The following CNIH1 variants were observed in gnomAD, a reference collection of about 807,000 sequenced individuals.
CNIH1 encodes the protein protein cornichon homolog 1.
A neutral mutation model predicts 20.2 loss-of-function variants in CNIH1; 12 were observed. The ratio of observed to expected loss-of-function variants is 0.59; its 90% CI spans 0.38 to 0.96. CNIH1 has a LOEUF of 0.96. CNIH1 is among the 40% of genes least tolerant of loss of function. The pLI is 0.00. For missense variants in CNIH1, 152 were observed against 178.8 expected (o/e 0.85, Z 0.85); for synonymous variants, 69 against 63.3 (o/e 1.09, Z -0.43).
At position 54,423,621 on chromosome 14, in the gene CNIH1, G is replaced by T. The variant is rs1387932191; in HGVS notation, c.*4193C>A. ...AAATAAGCTCTAAGGAGTAAGGTAGGGCTACTTAAGGGCGTTTTCTGTGGA... is the reference window on the plus strand; with the variant it reads ...AAATAAGCTCTAAGGAGTAAGGTAGTGCTACTTAAGGGCGTTTTCTGTGGA... On this transcript the variant is annotated 3_prime_UTR_variant, in exon 5 of 5. Transcript: ENST00000216416. 1 of 152,114 alleles carries T rather than the reference G, an allele frequency of 6.6e-6. No individual in the cohort carries two copies. The highest frequency in any genetic ancestry group is 1.5e-5 in the Non-Finnish European group (1 of 68,022). 9.4% of individuals were successfully genotyped at this position (152,114 alleles called of 1,614,324 possible). A position where few individuals can be genotyped will look rare whatever the true frequency, so the allele number is the denominator to read the frequency against.
rs2030838091 is a variant in CNIH1, at chr14:54,426,931, G to C, written c.*883C>G. On this transcript the variant is annotated 3_prime_UTR_variant, in exon 5 of 5. Transcript: ENST00000216416. ...ATCTCAAACAATGCACTGAAAGTGA[G>C]TCTTAATTTCAGAGTTTTATTGTAT... The C allele has an allele frequency of 6.6e-6, 1 of 152,148 alleles. No homozygotes were observed. Among genetic ancestry groups the C allele is most frequent in the Non-Finnish European group, 1.5e-5 (1 of 67,992 alleles). 9.4% of individuals were successfully genotyped at this position (152,148 alleles called of 1,614,324 possible).
chr14:54,427,996 C>A lies in CNIH1; in HGVS notation c.408-155G>T, dbSNP rs533928658. Among the ~76,000 whole-genome samples the A allele has an allele frequency of 4.8e-4, 73 of 152,234 alleles. 2 individuals are homozygous for A. In the South Asian group the frequency reaches 0.013, roughly 27 times the overall value. On this transcript the variant is annotated intron_variant, in intron 4 of 4. Coordinates refer to ENST00000216416, the MANE Select transcript of CNIH1 (RefSeq NM_005776.3). ...AGTGATTTTAATTTGCATTTATGGA[C>A]TTTTGCCTAACATATGACTTGGCTC...
Position 54,427,766 on chromosome 14 carries a change from G to A in CNIH1, c.*48C>T, listed in dbSNP as rs375313617. 4.6e-5 allele frequency: 73 copies of A among 1,601,260 alleles called. No homozygotes were observed. Among genetic ancestry groups the A allele is most frequent in the Non-Finnish European group, 5.8e-5 (68 of 1,169,590 alleles). ...TTGCTGGATAGAATCCCTTCATTTG[G>A]TGGCTTTTTGCATGCACTTAACTGG... is the stretch of plus-strand genomic sequence containing the variant. On this transcript the variant is annotated 3_prime_UTR_variant, in exon 5 of 5. Coordinates refer to ENST00000216416, the MANE Select transcript of CNIH1 (RefSeq NM_005776.3).
intron 1 of CNIH1, among the ~76,000 whole-genome samples, chr14:54,440,825 C>G (rs568385736): frequency 4.4e-4 from 67 of 152,370 alleles, no homozygotes; most frequent in African/African-American, 1.5e-3. Context: ...TGTGGAAACC[C>G]TAAAAGAAAG....
In CNIH1 at chr14:54,440,187, T is replaced by C. The variant is rs574504531; in HGVS notation, c.81+1060A>G. Among the ~76,000 whole-genome samples the C allele has an allele frequency of 3.3e-5, 5 of 152,352 alleles. No individual in the cohort carries two copies. In the South Asian group the frequency reaches 8.3e-4, roughly 25 times the overall value. ...TCATTCTGCCCCTCCGTATGTTTCA[T>C]AGAAATCCTTGTTACTGGCATGATG... On this transcript the variant is annotated intron_variant, in intron 1 of 4. Transcript: ENST00000216416.
chr14:54,441,121 G>C, intron 1 of CNIH1, 126 bp downstream of exon 1: 4 of 977,740 alleles, frequency 4.1e-6, no homozygotes, highest in East Asian at 9.7e-5. Context: ...CGCGCGGCCC[G>C]TGCCAGCCGG....
intron 3 of CNIH1, among the ~76,000 whole-genome samples, chr14:54,431,027 G>T (rs1044657754): frequency 6.6e-6 from 1 of 151,816 alleles, no homozygotes; most frequent in East Asian, 1.9e-4. Context: ...GTTTTGCCAC[G>T]TTGCCCAGTC....
chr14:54,438,813 G>C (rs1383503659), intron 1 of CNIH1, among the ~76,000 whole-genome samples: 1 of 152,208 alleles, frequency 6.6e-6, no homozygotes, highest in Admixed American at 6.5e-5. Flanking sequence ...GGAGGTGTTT[G>C]GGTCATGGGA....
At chr14:54,438,038 G>A (rs2031090588) in intron 1 of CNIH1, among the ~76,000 whole-genome samples, 1 of 150,812 alleles carries the variant, frequency 6.6e-6, no homozygotes, top group Non-Finnish European at 1.5e-5. Context: ...GGAGTGCAGT[G>A]GCACAATCTC....
intron 3 of CNIH1, among the ~76,000 whole-genome samples, chr14:54,430,692 TC>T (rs1242472410): frequency 2.0e-5 from 3 of 152,362 alleles, no homozygotes; most frequent in African/African-American, 7.2e-5. Context: ...TTTTTACTTA[TC>T]TTGGCATAAT....
chr14:54,434,874 A>T (rs556170669), intron 2 of CNIH1, among the ~76,000 whole-genome samples: 1 of 152,372 alleles, frequency 6.6e-6, no homozygotes, highest in East Asian at 1.9e-4. Context: ...GCAAAGAAAC[A>T]GCTAATAAGT....
chr14:54,438,098 G>C (rs112413033), intron 1 of CNIH1, among the ~76,000 whole-genome samples: 1 of 151,806 alleles, frequency 6.6e-6, no homozygotes, highest in Non-Finnish European at 1.5e-5. Flanking sequence ...TCCTGCCTCA[G>C]CCTCCGGAGT....
chr14:54,427,933 A>T, intron 4 of CNIH1, 92 bp from the exon 5 acceptor site: 1 of 1,168,180 alleles, frequency 8.6e-7, no homozygotes, highest in East Asian at 2.4e-5. Context: ...ATAGCAAACT[A>T]GTATCACAGA....
Position 54,424,480 on chromosome 14 carries a change from A to C in CNIH1, c.*3334T>G, listed in dbSNP as rs2030787444. 6.6e-6 allele frequency: 1 copy of C among 152,212 alleles called. No individual in the cohort carries two copies. Among genetic ancestry groups the C allele is most frequent in the Non-Finnish European group, 1.5e-5 (1 of 68,048 alleles). The allele number at this position is 152,212 out of a possible 1,614,324, so 9.4% of individuals were successfully genotyped here. A position where few individuals can be genotyped will look rare whatever the true frequency, so the allele number is the denominator to read the frequency against. ...TGATACACTGCTAGGATATAACCAC[A>C]CCTAAGGTGAAAGCTCACCCCTACA... On this transcript the variant is annotated 3_prime_UTR_variant, in exon 5 of 5. Transcript: ENST00000216416.
At chr14:54,431,970 C>A (rs1050580969) in intron 3 of CNIH1, 138 bp downstream of exon 3, 1 of 436,302 alleles carries the variant, frequency 2.3e-6, no homozygotes, top group Non-Finnish European at 4.1e-6. Flanking sequence ...TTTTGTTCAC[C>A]CACTTGATTT....
At chr14:54,441,151 A>T in intron 1 of CNIH1, 96 bp downstream of exon 1, 1 of 1,249,718 alleles carries the variant, frequency 8.0e-7, no homozygotes, top group Non-Finnish European at 1.0e-6. Context: ...CCGACGCGCA[A>T]AGCCCCGGCG....
chr14:54,431,784 T>C (rs1249553937), intron 3 of CNIH1, among the ~76,000 whole-genome samples: 1 of 152,200 alleles, frequency 6.6e-6, no homozygotes, highest in South Asian at 2.1e-4. Context: ...GTGAATGCTC[T>C]GGAGGCTACA....
In CNIH1 at chr14:54,433,924, T is replaced by C. The variant is rs187089098; in HGVS notation, c.151-1704A>G. Among the ~76,000 whole-genome samples the C allele has an allele frequency of 3.3e-5, 5 of 152,176 alleles. No individual in the cohort carries two copies. In the East Asian group the frequency reaches 7.7e-4, roughly 24 times the overall value. Reference sequence around the variant, plus strand: ...TCTCCTCAAAAGGAGTCCAGAAACATTTACTACCCATCTCTCTTAAAAACC... The same window carrying C: ...TCTCCTCAAAAGGAGTCCAGAAACACTTACTACCCATCTCTCTTAAAAACC... On this transcript the variant is annotated intron_variant, in intron 2 of 4. Coordinates refer to ENST00000216416, the MANE Select transcript of CNIH1 (RefSeq NM_005776.3).
intron 2 of CNIH1, chr14:54,435,949 T>C: frequency 1.7e-6 from 1 of 592,846 alleles, no homozygotes; most frequent in Non-Finnish European, 3.0e-6. Flanking sequence ...ATATGAAATT[T>C]CATGAAATCA....
Sources: gnomAD v4.1 joint callset for allele counts (sites outside exome capture counted in the v4.1 genomes callset) on GRCh38, gnomAD v4.1.1 for gene constraint, MANE v1.5 for transcripts, NCBI Gene and HGNC (gene_info 2026-07-23, HGNC 2026-07-21) for gene names.